BRF1: variants seen among roughly 807,000 people sequenced by gnomAD.
BRF1 encodes the protein BRF1 general transcription factor IIIB subunit.
Under a neutral mutation model 81.7 loss-of-function variants are expected in BRF1, and 59 were observed. The ratio of observed to expected loss-of-function variants is 0.72; its 90% CI spans 0.59 to 0.90. BRF1 has a LOEUF of 0.90. Ranked by LOEUF, BRF1 falls within the 40% of genes least tolerant of loss-of-function variation. BRF1 has a pLI of 0.00. For synonymous variants in BRF1, 491 were observed against 395.6 expected, an observed-to-expected ratio of 1.24 and a Z score of -2.86; for missense variants, 1,050 against 936.3, an observed-to-expected ratio of 1.12 and a Z score of -1.58.
At position 105,210,287 on chromosome 14, in the gene BRF1, C is replaced by A; in HGVS notation, c.*264G>T. ...CTTGGAGGGTCCTTGGATGAGTCGA[C>A]GGCAGGCAGCGGGACCCAGCCCTGC... On this transcript the variant is annotated 3_prime_UTR_variant, in exon 18 of 18. Transcript: ENST00000547530. The surrounding 1 kb of genome is among the most constrained non-coding windows in gnomAD (Gnocchi z 4.7). The A allele has an allele frequency of 2.0e-6, 1 of 507,062 alleles. No individual in the cohort carries two copies. Among genetic ancestry groups the A allele is most frequent in the South Asian group, 2.1e-5 (1 of 47,146 alleles). The allele number at this position is 507,062 out of a possible 1,614,324, so 31.4% of individuals were successfully genotyped here. A position where few individuals can be genotyped will look rare whatever the true frequency, so the allele number is the denominator to read the frequency against.
chr14:105,292,972 G>A (rs993530018), intron 1 of BRF1, among the ~76,000 whole-genome samples: 3 of 152,208 alleles, frequency 2.0e-5, no homozygotes, highest in Non-Finnish European at 4.4e-5. Flanking sequence ...AAAACAGGAC[G>A]TGTGTCACGC....
chr14:105,269,700 C>T lies in BRF1; in HGVS notation c.439+3021G>A, dbSNP rs1391305406. 6.6e-6 allele frequency among the ~76,000 whole-genome samples: 1 copy of T among 152,156 alleles called. No homozygotes were observed. The highest frequency in any genetic ancestry group is 1.5e-5 in the Non-Finnish European group (1 of 68,008). ...CAGCCCCGGCAGTGCCACAGGACTG[C>T]TCTCCGTCCTGCCTGTCATCACCCC... On this transcript the variant is annotated intron_variant, in intron 3 of 17. Transcript: ENST00000547530. The surrounding 1 kb of genome is among the most constrained non-coding windows in gnomAD (Gnocchi z 5.0).
intron 1 of BRF1, among the ~76,000 whole-genome samples, chr14:105,295,348 G>A (rs2140532217): frequency 6.7e-6 from 1 of 149,526 alleles, no homozygotes; most frequent in South Asian, 2.1e-4. Flanking sequence ...GCTCACACCT[G>A]TCATCCTAGA....
At chr14:105,259,938 G>A (rs2056067768) in intron 3 of BRF1, among the ~76,000 whole-genome samples, 2 of 152,238 alleles carry the variant, frequency 1.3e-5, no homozygotes, top group South Asian at 2.1e-4. Flanking sequence ...GAAGTGACAG[G>A]GCACAGATCA....
At chr14:105,268,658 G>A (rs1425998613) in intron 3 of BRF1, among the ~76,000 whole-genome samples, 1 of 152,194 alleles carries the variant, frequency 6.6e-6, no homozygotes, top group East Asian at 1.9e-4. Flanking sequence ...CAGGGCACTG[G>A]TCCCACCCAT....
chr14:105,214,958 A>AC (rs1040462724), intron 15 of BRF1, among the ~76,000 whole-genome samples: 1 of 151,930 alleles, frequency 6.6e-6, no homozygotes, highest in Non-Finnish European at 1.5e-5. Context: ...CCCCAGGTAG[A>AC]CCCCCTCTCC....
rs1324989458 is a variant in BRF1, at chr14:105,221,721, G to T, written c.1242C>A (p.Pro414=). ...RPPALGSLLD[P]LPTAASLGIS... ...TGCCCAGGCTGGCTGCAGTGGGGAG[G>T]GGGTCCAGCAGGGACCCCAGGGCCG... The change falls in exon 11 of 18, where the codon CCC becomes CCA. Residue 414 remains proline, a synonymous_variant. Coordinates refer to ENST00000547530, the MANE Select transcript of BRF1 (RefSeq NM_001519.4). The T allele has an allele frequency of 5.0e-6, 8 of 1,611,092 alleles. No individual in the cohort carries two copies. The highest frequency in any genetic ancestry group is 6.8e-6 in the Non-Finnish European group (8 of 1,179,712).
At chr14:105,252,297 G>C (rs1385980591) in intron 5 of BRF1, 2 of 858,438 alleles carry the variant, frequency 2.3e-6, no homozygotes, top group African/African-American at 3.7e-5. Context: ...CTACGATTGT[G>C]CCACTGCACT....
At chr14:105,218,684 C>T (rs1402312514) in intron 14 of BRF1, among the ~76,000 whole-genome samples, 1 of 152,246 alleles carries the variant, frequency 6.6e-6, no homozygotes, top group Non-Finnish European at 1.5e-5. Context: ...AGAGCAAACC[C>T]GTTAACACAG....
intron 6 of BRF1, 145 bp downstream of exon 6, chr14:105,241,119 GC>G (rs2054585659): frequency 7.5e-7 from 1 of 1,324,700 alleles, no homozygotes; most frequent in Non-Finnish European, 1.0e-6. Flanking sequence ...ACCCCGGTGG[GC>G]CAGGCCAGAG....
rs1450342154 is a variant in BRF1 at position 105,210,711 on chromosome 14, C to T, written c.1997-123G>A. 8.9e-6 allele frequency: 10 copies of T among 1,119,424 alleles called. No individual in the cohort carries two copies. Among genetic ancestry groups the T allele is most frequent in the East Asian group, 2.6e-5 (1 of 38,776 alleles). 69.3% of individuals were successfully genotyped at this position (1,119,424 alleles called of 1,614,324 possible). A position where few individuals can be genotyped will look rare whatever the true frequency, so the allele number is the denominator to read the frequency against. On this transcript the variant is annotated intron_variant, in intron 17 of 17. Transcript: ENST00000547530. The surrounding 1 kb of genome is among the most constrained non-coding windows in gnomAD (Gnocchi z 4.7). ...CAGGCTCCAGCCCCAGCCCCAGCCC[C>T]CCGCGCCCCGCCAGGAGCCATCTTG...
rs774675128 is a variant in BRF1, at chr14:105,217,822, T to A, written c.1516-22A>T. The stretch of plus-strand genomic sequence containing the variant: ...TGGGCTTGAGGGAAACAAGCAAGAA[T>A]GCCTCCCGTGAGTCACGCCCACTGC... On this transcript the variant is annotated intron_variant, in intron 14 of 17. Coordinates refer to ENST00000547530, the MANE Select transcript of BRF1 (RefSeq NM_001519.4). The A allele has an allele frequency of 2.5e-6, 4 of 1,605,824 alleles. No individual in the cohort carries two copies. In the East Asian group the frequency reaches 8.9e-5, roughly 36 times the overall value.
chr14:105,305,825 C>T (rs1007341828), upstream of BRF1, among the ~76,000 whole-genome samples: 8 of 152,272 alleles, frequency 5.3e-5, no homozygotes, highest in African/African-American at 1.9e-4. Context: ...AGCACCCACA[C>T]TGGGCACCCA....
rs2057231233 is a variant in BRF1 at position 105,284,257 on chromosome 14, C to T, written c.265+2039G>A. Among the ~76,000 whole-genome samples the T allele has an allele frequency of 6.6e-6, 1 of 152,154 alleles. No individual in the cohort carries two copies. Among genetic ancestry groups the T allele is most frequent in the African/African-American group, 2.4e-5 (1 of 41,428 alleles). On this transcript the variant is annotated intron_variant, in intron 2 of 17. Coordinates refer to ENST00000547530, the MANE Select transcript of BRF1 (RefSeq NM_001519.4). The surrounding 1 kb of genome is among the most constrained non-coding windows in gnomAD (Gnocchi z 4.0). Reference sequence around the variant, plus strand: ...TGCTCTCTACTGCAGAAGAATCACACCGGCAGTCAGGAAGAAAGGCGCTGA... The same window carrying T: ...TGCTCTCTACTGCAGAAGAATCACATCGGCAGTCAGGAAGAAAGGCGCTGA...
intron 2 of BRF1, among the ~76,000 whole-genome samples, chr14:105,280,173 G>A (rs1257073960): frequency 2.6e-5 from 4 of 152,256 alleles, no homozygotes; most frequent in Non-Finnish European, 5.9e-5. Context: ...TAAATCAACT[G>A]TGGCGCACCT....
intron 4 of BRF1, 175 bp downstream of exon 4, chr14:105,256,340 ACCC>A: frequency 6.4e-7 from 1 of 1,554,156 alleles, no homozygotes; most frequent in Non-Finnish European, 8.7e-7. Context: ...TCGGACTGTG[ACCC>A]CCATGTCATG....
rs2057971648 is a variant in BRF1, at chr14:105,300,636, G to A, written c.-7C>T. 1 of 1,358,702 alleles carries A rather than the reference G, an allele frequency of 7.4e-7. No homozygotes were observed. The highest frequency in any genetic ancestry group is 1.5e-5 in the African/African-American group (1 of 65,174). The allele number at this position is 1,358,702 out of a possible 1,614,324, so 84.2% of individuals were successfully genotyped here. A position where few individuals can be genotyped will look rare whatever the true frequency, so the allele number is the denominator to read the frequency against. ...GGCACACGCGGCCCGTCATGCCGGC[G>A]ACCGCGCGGGCAGCGCCCGGAGCCT... On this transcript the variant is annotated 5_prime_UTR_variant, in exon 1 of 18. Coordinates refer to ENST00000547530, the MANE Select transcript of BRF1 (RefSeq NM_001519.4).
chr14:105,223,997 T>C (rs944726936), intron 10 of BRF1, among the ~76,000 whole-genome samples: 1 of 152,222 alleles, frequency 6.6e-6, no homozygotes, highest in Admixed American at 6.5e-5. Flanking sequence ...CAATCACGAA[T>C]GAACGTTACT....
rs1420347384 is a variant in BRF1, at chr14:105,241,687, C to T, written c.545-273G>A. The T allele has an allele frequency of 5.8e-6, 3 of 516,282 alleles. No individual in the cohort carries two copies. The Admixed American group carries it at 9.6e-5, about 17-fold the overall frequency. The allele number at this position is 516,282 out of a possible 1,614,324, so 32.0% of individuals were successfully genotyped here. A position where few individuals can be genotyped will look rare whatever the true frequency, so the allele number is the denominator to read the frequency against. ...GTGCTCCTACTGCATGGCCGCCCTG[C>T]TCAGGACACAGAGGGGCGCACACCC... On this transcript the variant is annotated intron_variant, in intron 5 of 17. Coordinates refer to ENST00000547530, the MANE Select transcript of BRF1 (RefSeq NM_001519.4).
Sources: allele counts gnomAD v4.1 joint callset (sites outside exome capture counted in the v4.1 genomes callset), GRCh38; gene constraint gnomAD v4.1.1; non-coding constraint Gnocchi (gnomAD v3.1); transcripts MANE v1.5; gene names NCBI Gene and HGNC (gene_info 2026-07-23, HGNC 2026-07-21).